The following JDP2 variants were observed in gnomAD, a reference collection of about 807,000 sequenced individuals.
JDP2 encodes the protein progesterone receptor co-activator.
Under a neutral mutation model 17.1 loss-of-function variants are expected in JDP2, and 9 were observed. The ratio of observed to expected loss-of-function variants is 0.53; its 90% confidence interval spans 0.32 to 0.92. JDP2 has a LOEUF of 0.92. Ranked by LOEUF, JDP2 falls within the 40% of genes least tolerant of loss-of-function variation. JDP2 has a pLI of 0.04. For synonymous variants in JDP2, 107 were observed against 95.6 expected, an observed-to-expected ratio of 1.12 and a Z score of -0.69; for missense variants, 179 against 220.0, an observed-to-expected ratio of 0.81 and a Z score of 1.18.
At chr14:75,461,051 A>G (rs1430162305) in intron 2 of JDP2, among the ~76,000 whole-genome samples, 1 of 152,152 alleles carries the variant, frequency 6.6e-6, no homozygotes, top group African/African-American at 2.4e-5. Context: ...TTTATAACAA[A>G]TCCCCTTTTC....
At chr14:75,432,406 C>T (rs1016517279) in intron 1 of JDP2, 207 of 1,432,366 alleles carry the variant, frequency 1.4e-4, no homozygotes, top group Non-Finnish European at 1.9e-4. Flanking sequence ...CCTCCGCATC[C>T]GGTTCTGTCC....
chr14:75,450,824 A>T (rs1223774447), intron 2 of JDP2, among the ~76,000 whole-genome samples: 1 of 152,202 alleles, frequency 6.6e-6, no homozygotes, highest in Non-Finnish European at 1.5e-5. Context: ...TGGAACTCCC[A>T]GTTTAATGGA....
chr14:75,465,659 C>T lies in JDP2; in HGVS notation c.307-3631C>T, dbSNP rs559145225. Among the ~76,000 whole-genome samples, 17 of 152,252 alleles carry T rather than the reference C, an allele frequency of 1.1e-4. No individual in the cohort carries two copies. In the East Asian group the frequency reaches 2.7e-3, roughly 24 times the overall value. On this transcript the variant is annotated intron_variant, in intron 3 of 3. Transcript: ENST00000651602. ...CAAACAATCTTAATGCTTAAAGTCC[C>T]CTGGGCCAATCATCATATTTTCTGG...
rs1328063211 is a variant in JDP2 at position 75,428,148 on chromosome 14, C to T, written c.-128C>T. ...TCCCGGGCCGGGACAGGCCTGGGCACCGGGCGGAGCTCCGCGGCCGGGCGG... is the reference window on the plus strand; with the variant it reads ...TCCCGGGCCGGGACAGGCCTGGGCATCGGGCGGAGCTCCGCGGCCGGGCGG... On this transcript the variant is annotated 5_prime_UTR_variant, in exon 1 of 4. Coordinates refer to ENST00000651602, the MANE Select transcript of JDP2 (RefSeq NM_001135048.2). The surrounding 1 kb of genome is among the most constrained non-coding windows in gnomAD (Gnocchi z 5.6). 6.8e-6 allele frequency: 1 copy of T among 146,150 alleles called. No homozygotes were observed. The highest frequency in any genetic ancestry group is 2.0e-4 in the South Asian group (1 of 5,066). The allele number at this position is 146,150 out of a possible 1,614,324, so 9.1% of individuals were successfully genotyped here. A position where few individuals can be genotyped will look rare whatever the true frequency, so the allele number is the denominator to read the frequency against.
At chr14:75,435,833 T>C (rs1015776844) in intron 1 of JDP2, among the ~76,000 whole-genome samples, 1 of 152,010 alleles carries the variant, frequency 6.6e-6, no homozygotes, top group Non-Finnish European at 1.5e-5. Context: ...GGACCGGGTA[T>C]GGGAGGCACA....
At chr14:75,443,509 G>C (rs891113019) in intron 2 of JDP2, among the ~76,000 whole-genome samples, 1 of 151,944 alleles carries the variant, frequency 6.6e-6, no homozygotes, top group Non-Finnish European at 1.5e-5. Context: ...TTTGAAATCC[G>C]TAATTTCCAC....
intron 2 of JDP2, among the ~76,000 whole-genome samples, chr14:75,455,367 CG>C (rs980133643): frequency 1.3e-5 from 2 of 152,144 alleles, no homozygotes; most frequent in African/African-American, 4.8e-5. Context: ...GCCTGCAGGC[CG>C]TGACTGGGTC....
intron 3 of JDP2, among the ~76,000 whole-genome samples, chr14:75,463,489 A>G (rs1018854066): frequency 6.6e-6 from 1 of 151,968 alleles, no homozygotes; most frequent in African/African-American, 2.4e-5. Context: ...GAAACAAGGA[A>G]AGTGACGTGT....
intron 2 of JDP2, among the ~76,000 whole-genome samples, chr14:75,449,200 A>G (rs1238829825): frequency 6.6e-6 from 1 of 152,236 alleles, no homozygotes; most frequent in African/African-American, 2.4e-5. Context: ...TTGGTAGAGA[A>G]TAATTAAGCC....
chr14:75,468,796 C>T (rs1249706415), intron 3 of JDP2, among the ~76,000 whole-genome samples: 1 of 152,234 alleles, frequency 6.6e-6, no homozygotes, highest in African/African-American at 2.4e-5. Flanking sequence ...TCACTGATCC[C>T]ACCGGCCAAG....
rs765421786 is a variant in JDP2, at chr14:75,430,836, C to T, written c.-24+2584C>T. On this transcript the variant is annotated intron_variant, in intron 1 of 3. Coordinates refer to ENST00000651602, the MANE Select transcript of JDP2 (RefSeq NM_001135048.2). This position sits in a 1 kb window ranked among gnomAD's most constrained non-coding sequence, Gnocchi z 4.5. ...TGTGTGTGTGTGTGGTTTGGCCTCT[C>T]GGAACTCAGCAGAGACAAATGCCTT... is the stretch of plus-strand genomic sequence containing the variant. Among the ~76,000 whole-genome samples the T allele has an allele frequency of 1.3e-5, 2 of 152,046 alleles. No homozygotes were observed. The highest frequency in any genetic ancestry group is 2.1e-4 in the South Asian group (1 of 4,822).
intron 1 of JDP2, among the ~76,000 whole-genome samples, chr14:75,434,754 A>G (rs1386434560): frequency 6.6e-6 from 1 of 152,068 alleles, no homozygotes; most frequent in Non-Finnish European, 1.5e-5. Context: ...AGGGAAATAC[A>G]CAGAAGCCTC....
At chr14:75,432,283 C>T (rs893941225) in intron 1 of JDP2, 1 of 1,548,858 alleles carries the variant, frequency 6.5e-7, no homozygotes, top group East Asian at 2.4e-5. Flanking sequence ...CTGGGTGATT[C>T]CTTAGCTCCA....
At position 75,430,634 on chromosome 14, in the gene JDP2, C is replaced by G. The variant is rs1045088151; in HGVS notation, c.-24+2382C>G. Among the ~76,000 whole-genome samples the G allele has an allele frequency of 1.3e-5, 2 of 152,110 alleles. No individual in the cohort carries two copies. ...GAGGGTGAGAACACTGTTTTGGCTG[C>G]GTCCCGGGCCATATGCAGCGTATGG... On this transcript the variant is annotated intron_variant, in intron 1 of 3. Coordinates refer to ENST00000651602, the MANE Select transcript of JDP2 (RefSeq NM_001135048.2). The surrounding 1 kb of genome is among the most constrained non-coding windows in gnomAD (Gnocchi z 4.5).
At chr14:75,454,532 T>G (rs1415654479) in intron 2 of JDP2, among the ~76,000 whole-genome samples, 2 of 152,098 alleles carry the variant, frequency 1.3e-5, no homozygotes, top group East Asian at 3.9e-4. Flanking sequence ...GTGACAGTGG[T>G]GAAGGTGATG....
chr14:75,469,558 C>A lies in JDP2; in HGVS notation c.*83C>A. The A allele has an allele frequency of 7.9e-7, 1 of 1,270,704 alleles. No individual in the cohort carries two copies. Among genetic ancestry groups the A allele is most frequent in the Non-Finnish European group, 1.1e-6 (1 of 913,548 alleles). 78.7% of individuals were successfully genotyped at this position (1,270,704 alleles called of 1,614,324 possible). A position where few individuals can be genotyped will look rare whatever the true frequency, so the allele number is the denominator to read the frequency against. On this transcript the variant is annotated 3_prime_UTR_variant, in exon 4 of 4. Transcript: ENST00000651602. ...AGAGGAGGAGGGGGGCCCCAGATGG[C>A]CCTTCCTTTGGTGCATGAAAAACTG...
At chr14:75,468,878 GC>G (rs906390327) in intron 3 of JDP2, among the ~76,000 whole-genome samples, 5 of 152,280 alleles carry the variant, frequency 3.3e-5, no homozygotes, top group African/African-American at 7.2e-5. Context: ...CCCCTCTTGG[GC>G]CCCCCCATGC....
At chr14:75,462,085 G>A (rs987909532) in intron 3 of JDP2, among the ~76,000 whole-genome samples, 1 of 152,190 alleles carries the variant, frequency 6.6e-6, no homozygotes, top group Non-Finnish European at 1.5e-5. Flanking sequence ...GGGAATAAGA[G>A]GTCAGCTCTG....
intron 3 of JDP2, 57 bp from the exon 4 acceptor site, chr14:75,469,233 C>G: frequency 6.5e-7 from 1 of 1,542,598 alleles, no homozygotes; most frequent in East Asian, 2.3e-5. Flanking sequence ...CAGGCAGAGC[C>G]TCTCCCCAGA....
Sources: allele counts gnomAD v4.1 joint callset (sites outside exome capture counted in the v4.1 genomes callset), GRCh38; gene constraint gnomAD v4.1.1; non-coding constraint Gnocchi (gnomAD v3.1); transcripts MANE v1.5; gene names NCBI Gene and HGNC (gene_info 2026-07-23, HGNC 2026-07-21).